CDH13: variants seen among roughly 807,000 people sequenced by gnomAD.
The protein encoded by CDH13 is cadherin-13.
CDH13 carries 24 observed loss-of-function variants against 63.8 expected under a neutral mutation model. The ratio of observed to expected loss-of-function variants is 0.38; its 90% CI spans 0.27 to 0.53. The LOEUF is 0.53. Among genes scored for constraint, CDH13 ranks in the 20% least tolerant of loss-of-function variants. The pLI is 0.85. For missense variants in CDH13, 1,049 were observed against 903.1 expected, an observed-to-expected ratio of 1.16 and a Z score of -2.07; for synonymous variants, 503 against 355.3, an observed-to-expected ratio of 1.42 and a Z score of -4.67.
At chr16:82,640,132 T>C (rs1379088931) in intron 1 of CDH13, among the ~76,000 whole-genome samples, 1 of 152,198 alleles carries the variant, frequency 6.6e-6, no homozygotes, top group African/African-American at 2.4e-5. Flanking sequence ...GTAGTGATAG[T>C]GCTATAGAAA....
chr16:82,816,903 G>C (rs954529107), intron 1 of CDH13, among the ~76,000 whole-genome samples: 36 of 151,868 alleles, frequency 2.4e-4, no homozygotes, highest in African/African-American at 8.2e-4. Context: ...TGTGATGCTT[G>C]GTACCAAGAC....
intron 1 of CDH13, among the ~76,000 whole-genome samples, chr16:82,635,914 G>C (rs2150875961): frequency 6.6e-6 from 1 of 152,120 alleles, no homozygotes; most frequent in East Asian, 1.9e-4. Context: ...TCTCTCTCCT[G>C]CTTGCTGTGT....
At position 83,426,509 on chromosome 16, in the gene CDH13, TCACACACACACACACA is replaced by T. The variant is rs10545707; in HGVS notation, c.782-59948_782-59933del. Among the ~76,000 whole-genome samples, 28 of 146,606 alleles carry T rather than the reference TCACACACACACACACA, an allele frequency of 1.9e-4. No individual in the cohort carries two copies. The East Asian group carries it at 4.2e-3, about 22-fold the overall frequency. The stretch of plus-strand genomic sequence containing the variant: ...ATGGAAACAACTCCCATGGAAACAA[TCACACACACACACACA>T]CACACACACACACACACACTCATGT... On this transcript the variant is annotated intron_variant, in intron 6 of 13. Transcript: ENST00000567109.
chr16:83,627,978 G>T (rs557030098), intron 8 of CDH13, among the ~76,000 whole-genome samples: 1 of 152,150 alleles, frequency 6.6e-6, no homozygotes, highest in Non-Finnish European at 1.5e-5. Flanking sequence ...ACTTCCTGAC[G>T]TTACCATGGC....
intron 11 of CDH13, among the ~76,000 whole-genome samples, chr16:83,776,639 T>C (rs974770229): frequency 6.6e-6 from 1 of 152,166 alleles, no homozygotes; most frequent in African/African-American, 2.4e-5. Flanking sequence ...TTAAGCTGGT[T>C]TTTTCCCCGT....
At chr16:83,390,200 C>T (rs936799230) in intron 6 of CDH13, among the ~76,000 whole-genome samples, 5 of 152,172 alleles carry the variant, frequency 3.3e-5, no homozygotes, top group Non-Finnish European at 7.3e-5. Flanking sequence ...TTCATCGAAG[C>T]CCCTTCATAC....
rs112387908 is a variant in CDH13 at position 82,863,131 on chromosome 16, A to C, written c.157+4658A>C. ...TCTCTACAAAGATCCTAACAAAATG[A>C]TGTCGCCTATATCAGAAAGAGACAT... is the stretch of plus-strand genomic sequence containing the variant. On this transcript the variant is annotated intron_variant, in intron 2 of 13. Coordinates refer to ENST00000567109, the MANE Select transcript of CDH13 (RefSeq NM_001257.5). Among the ~76,000 whole-genome samples the C allele has an allele frequency of 2.3e-3, 353 of 152,312 alleles. 2 individuals carry two copies. Among genetic ancestry groups the C allele is most frequent in the Non-Finnish European group, 4.4e-3 (302 of 68,024 alleles).
At position 83,357,337 on chromosome 16, in the gene CDH13, G is replaced by A. The variant is rs74034177; in HGVS notation, c.781+12331G>A. Reference sequence around the variant, plus strand: ...AATAGTAACATGTGTGTACATATACGTGTGTATGTGTCTGTACATTCACAT... The same window carrying A: ...AATAGTAACATGTGTGTACATATACATGTGTATGTGTCTGTACATTCACAT... On this transcript the variant is annotated intron_variant, in intron 6 of 13. Coordinates refer to ENST00000567109, the MANE Select transcript of CDH13 (RefSeq NM_001257.5). Among the ~76,000 whole-genome samples the A allele has an allele frequency of 8.9e-3, 1,355 of 152,228 alleles. 19 individuals carry two copies. Among genetic ancestry groups the A allele is most frequent in the African/African-American group, 0.031 (1,306 of 41,524 alleles).
intron 1 of CDH13, among the ~76,000 whole-genome samples, chr16:82,692,905 G>A (rs985388607): frequency 3.9e-5 from 6 of 152,184 alleles, no homozygotes; most frequent in Admixed American, 3.9e-4. Context: ...CTTCCCTTGA[G>A]GAACTGGCTT....
At chr16:83,163,812 G>T (rs2037549153) in intron 4 of CDH13, among the ~76,000 whole-genome samples, 1 of 152,040 alleles carries the variant, frequency 6.6e-6, no homozygotes, top group Non-Finnish European at 1.5e-5. Context: ...CCTTTGTTGA[G>T]TTAAGGCTCT....
At chr16:82,829,402 G>A (rs992992575) in intron 1 of CDH13, 1 of 151,846 alleles carries the variant, frequency 6.6e-6, no homozygotes, top group African/African-American at 2.4e-5. Context: ...TATACTCTTG[G>A]GCTTGAAACA....
At chr16:83,049,803 C>A (rs1403092301) in intron 3 of CDH13, among the ~76,000 whole-genome samples, 1 of 152,094 alleles carries the variant, frequency 6.6e-6, no homozygotes, top group Non-Finnish European at 1.5e-5. Context: ...ACACTGCTAC[C>A]AACCTGTGTG....
At chr16:83,403,312 A>G (rs2091995052) in intron 6 of CDH13, among the ~76,000 whole-genome samples, 1 of 152,110 alleles carries the variant, frequency 6.6e-6, no homozygotes, top group Non-Finnish European at 1.5e-5. Flanking sequence ...AAATCCTGAG[A>G]CTTGGAGGAA....
At chr16:83,027,925 A>T (rs1915966916) in intron 2 of CDH13, among the ~76,000 whole-genome samples, 1 of 152,178 alleles carries the variant, frequency 6.6e-6, no homozygotes, top group South Asian at 2.1e-4. Context: ...CAAACTAGGG[A>T]CTGTGCCTGT....
chr16:83,620,472 C>T (rs1909711748), intron 8 of CDH13, among the ~76,000 whole-genome samples: 1 of 151,754 alleles, frequency 6.6e-6, no homozygotes, highest in Non-Finnish European at 1.5e-5. Flanking sequence ...ACTGTTAGTC[C>T]ACAAGAGTGA....
chr16:83,643,611 CT>C lies in CDH13; in HGVS notation c.1102-27178del, dbSNP rs1226650592. Among the ~76,000 whole-genome samples the C allele has an allele frequency of 3.9e-5, 6 of 152,092 alleles. No individual in the cohort carries two copies. In the East Asian group the frequency reaches 1.2e-3, roughly 29 times the overall value. On this transcript the variant is annotated intron_variant, in intron 8 of 13. Coordinates refer to ENST00000567109, the MANE Select transcript of CDH13 (RefSeq NM_001257.5). ...TTTATTGTTCCCCCTTCAGCTTATG[CT>C]ACCTGCTTTGGGTGATCTTGGCCTT...
At chr16:83,363,122 C>A (rs1383890158) in intron 6 of CDH13, among the ~76,000 whole-genome samples, 1 of 152,212 alleles carries the variant, frequency 6.6e-6, no homozygotes, top group Admixed American at 6.5e-5. Context: ...TGACATTTAT[C>A]TTTTAAAGTA....
chr16:83,267,588 A>G (rs376545940), intron 5 of CDH13, among the ~76,000 whole-genome samples: 3 of 152,260 alleles, frequency 2.0e-5, no homozygotes, highest in East Asian at 1.9e-4. Context: ...CTGTTATCTC[A>G]GGAGAGTGTT....
intron 2 of CDH13, among the ~76,000 whole-genome samples, chr16:82,921,882 T>A (rs1399882271): frequency 1.3e-5 from 2 of 152,166 alleles, no homozygotes; most frequent in Non-Finnish European, 2.9e-5. Flanking sequence ...GGGTCTGAGC[T>A]TTTCTTTGCA....
Sources: gnomAD v4.1 joint callset for allele counts (sites outside exome capture counted in the v4.1 genomes callset) on GRCh38, gnomAD v4.1.1 for gene constraint, MANE v1.5 for transcripts, NCBI Gene and HGNC (gene_info 2026-07-23, HGNC 2026-07-21) for gene names.